ZZZ3: variants seen among roughly 807,000 people sequenced by gnomAD.
ZZZ3 encodes ZZ-type zinc finger-containing protein 3.
In ZZZ3, 22 loss-of-function variants were observed where a neutral mutation model predicts 95.2. That is an observed-to-expected ratio of 0.23 (90% confidence interval 0.17 to 0.33). The LOEUF (loss-of-function observed/expected upper bound fraction) is 0.33. ZZZ3 is among the 10% of genes least tolerant of loss of function. The pLI is 1.00. For missense variants in ZZZ3, 885 were observed against 1,066.5 expected (o/e 0.83, Z 2.37); for synonymous variants, 335 against 358.9 (o/e 0.93, Z 0.75).
intron 5 of ZZZ3, among the ~76,000 whole-genome samples, chr1:77,609,254 A>G (rs933808084): frequency 7.9e-5 from 12 of 152,320 alleles, no homozygotes; most frequent in East Asian, 1.9e-4. Flanking sequence ...TATCAAACAA[A>G]ATAGATTTTA....
At chr1:77,581,172 A>T in intron 8 of ZZZ3, 103 bp from the exon 9 acceptor site, 1 of 920,300 alleles carries the variant, frequency 1.1e-6, no homozygotes, top group Non-Finnish European at 1.7e-6. Flanking sequence ...TTAATTTCAA[A>T]ATATTTGAGT....
At chr1:77,573,286 ATT>A (rs34142930) in intron 12 of ZZZ3, among the ~76,000 whole-genome samples, 80 of 146,852 alleles carry the variant, frequency 5.4e-4, no homozygotes, top group Admixed American at 7.4e-4. Flanking sequence ...TGCCCAGCTA[ATT>A]TTTTTTTTTT....
chr1:77,681,764 C>A (rs1314900653), intron 1 of ZZZ3, among the ~76,000 whole-genome samples: 4 of 151,896 alleles, frequency 2.6e-5, no homozygotes, highest in Non-Finnish European at 5.9e-5. Flanking sequence ...TGGTGAAGCG[C>A]GACTGTAATC....
rs1231295254 is a variant in ZZZ3 at position 77,639,916 on chromosome 1, T to C, written c.-205-314A>G. ...CTAAGGGAGTATTTTTTTTTTTTTT[T>C]GCGGTGATAAAGGTTGCCCTTGATA... On this transcript the variant is annotated intron_variant, in intron 3 of 14. Coordinates refer to ENST00000370801, the MANE Select transcript of ZZZ3 (RefSeq NM_015534.6). Among the ~76,000 whole-genome samples, 3 of 150,300 alleles carry C rather than the reference T, an allele frequency of 2.0e-5. No individual in the cohort carries two copies. In the East Asian group the frequency reaches 5.9e-4, roughly 29 times the overall value.
intron 1 of ZZZ3, among the ~76,000 whole-genome samples, chr1:77,649,652 G>A (rs898459113): frequency 2.6e-5 from 4 of 152,162 alleles, no homozygotes; most frequent in African/African-American, 9.7e-5. Context: ...GGAGGCCAAG[G>A]TGGGCGGATC....
At chr1:77,638,435 A>G (rs540338876) in intron 4 of ZZZ3, among the ~76,000 whole-genome samples, 5 of 152,346 alleles carry the variant, frequency 3.3e-5, no homozygotes, top group Non-Finnish European at 4.4e-5. Context: ...CTGTACGCAT[A>G]AGAACTAAAA....
At chr1:77,674,077 T>C (rs1220412326) in intron 1 of ZZZ3, among the ~76,000 whole-genome samples, 1 of 149,132 alleles carries the variant, frequency 6.7e-6, no homozygotes, top group East Asian at 1.9e-4. Context: ...AAATCTACTA[T>C]TTACCCAAAT....
At chr1:77,605,463 G>A (rs1389541553) in intron 5 of ZZZ3, among the ~76,000 whole-genome samples, 2 of 152,136 alleles carry the variant, frequency 1.3e-5, no homozygotes, top group African/African-American at 4.8e-5. Flanking sequence ...TTGTCAGCTG[G>A]GCTCGAAGCC....
chr1:77,582,572 T>A (rs768349360), intron 6 of ZZZ3, among the ~76,000 whole-genome samples: 14 of 151,482 alleles, frequency 9.2e-5, no homozygotes, highest in Non-Finnish European at 1.8e-4. Flanking sequence ...TGAGTTGGCA[T>A]GAGCAAACCC....
rs1405841590 is a variant in ZZZ3, at chr1:77,658,207, AC to A, written c.-402-16553del. Reference sequence around the variant, plus strand: ...AAAAAAAAAAAAAAAAAAAAACACAACATACTAGTGTATTCTCTTCCATTCT... The same window carrying A: ...AAAAAAAAAAAAAAAAAAAAACACAAATACTAGTGTATTCTCTTCCATTCT... On this transcript the variant is annotated intron_variant, in intron 1 of 14. Coordinates refer to ENST00000370801, the MANE Select transcript of ZZZ3 (RefSeq NM_015534.6). Among the ~76,000 whole-genome samples the A allele has an allele frequency of 6.0e-5, 9 of 151,102 alleles. No individual in the cohort carries two copies. The East Asian group carries it at 1.7e-3, about 29-fold the overall frequency.
At chr1:77,664,629 G>A (rs1343409226) in intron 1 of ZZZ3, among the ~76,000 whole-genome samples, 1 of 152,120 alleles carries the variant, frequency 6.6e-6, no homozygotes, top group East Asian at 1.9e-4. Context: ...GTTTCTGCCT[G>A]TAGTTTCAGA....
chr1:77,661,980 C>CTTT (rs397861463), intron 1 of ZZZ3, among the ~76,000 whole-genome samples: 1 of 134,992 alleles, frequency 7.4e-6, no homozygotes, highest in Non-Finnish European at 1.6e-5. Context: ...TGATGCCTGG[C>CTTT]TTTTTTTTTT....
chr1:77,675,074 T>C (rs1672137671), intron 1 of ZZZ3, among the ~76,000 whole-genome samples: 1 of 151,574 alleles, frequency 6.6e-6, no homozygotes, highest in South Asian at 2.1e-4. Context: ...TAGAGAAGTA[T>C]TACATCCCCA....
intron 1 of ZZZ3, among the ~76,000 whole-genome samples, chr1:77,658,201 A>AAC (rs1557769713): frequency 3.3e-4 from 48 of 145,150 alleles, no homozygotes; most frequent in African/African-American, 1.2e-3. Flanking sequence ...AAAAAAAAAA[A>AAC]ACACAACATA....
At chr1:77,584,404 GA>G (rs1662857436) in intron 6 of ZZZ3, 112 bp downstream of exon 6, 8 of 1,100,308 alleles carry the variant, frequency 7.3e-6, no homozygotes, top group Admixed American at 6.4e-5. Context: ...AATTATAGAC[GA>G]AAAAAATTAA....
chr1:77,674,372 T>C (rs1672065465), intron 1 of ZZZ3, among the ~76,000 whole-genome samples: 1 of 152,152 alleles, frequency 6.6e-6, no homozygotes, highest in Non-Finnish European at 1.5e-5. Context: ...ATACATACTG[T>C]ATAAATCCTA....
chr1:77,637,429 C>CT, intron 4 of ZZZ3, among the ~76,000 whole-genome samples: 1 of 152,138 alleles, frequency 6.6e-6, no homozygotes, highest in African/African-American at 2.4e-5. Context: ...TTCTTCATAT[C>CT]TTTTCTATTT....
intron 5 of ZZZ3, among the ~76,000 whole-genome samples, chr1:77,588,379 G>A (rs1271046102): frequency 1.3e-5 from 2 of 151,982 alleles, no homozygotes; most frequent in African/African-American, 4.8e-5. Flanking sequence ...TAAAGACCCT[G>A]AGAATATTTA....
intron 5 of ZZZ3, among the ~76,000 whole-genome samples, chr1:77,624,582 G>A (rs2100807234): frequency 6.6e-6 from 1 of 152,200 alleles, no homozygotes; most frequent in East Asian, 1.9e-4. Context: ...AAAAGCTTCT[G>A]TGCCTGGGAC....
Sources: gnomAD v4.1 joint callset for allele counts (sites outside exome capture counted in the v4.1 genomes callset) on GRCh38, gnomAD v4.1.1 for gene constraint, MANE v1.5 for transcripts, NCBI Gene and HGNC (gene_info 2026-07-23, HGNC 2026-07-21) for gene names.